The following MBOAT2 variants were observed in gnomAD, a reference collection of about 807,000 sequenced individuals.
MBOAT2 encodes membrane-bound glycerophospholipid O-acyltransferase 2.
MBOAT2 carries 28 observed loss-of-function variants against 63.4 expected under a neutral mutation model. The observed-to-expected ratio is 0.44, with a 90% CI of 0.33 to 0.61. The LOEUF (loss-of-function observed/expected upper bound fraction) is 0.61. Ranked by LOEUF, MBOAT2 falls within the 20% of genes least tolerant of loss-of-function variation. The pLI, the probability that MBOAT2 is intolerant of heterozygous loss-of-function variation, is 0.03. For missense variants in MBOAT2, 470 were observed against 605.8 expected, an observed-to-expected ratio of 0.78 and a Z score of 2.35; for synonymous variants, 211 against 215.6, an observed-to-expected ratio of 0.98 and a Z score of 0.19.
At chr2:8,909,880 C>A (rs1665587338) in intron 3 of MBOAT2, among the ~76,000 whole-genome samples, 1 of 152,158 alleles carries the variant, frequency 6.6e-6, no homozygotes, top group African/African-American at 2.4e-5. Context: ...ATGCCCAAAA[C>A]AGTATCTCCC....
intron 2 of MBOAT2, among the ~76,000 whole-genome samples, chr2:8,957,760 A>C (rs979158531): frequency 5.3e-5 from 8 of 152,242 alleles, no homozygotes; most frequent in African/African-American, 9.6e-5. Context: ...CTCACGTAAG[A>C]AAGCAAGCTC....
chr2:8,954,071 T>C lies in MBOAT2; in HGVS notation c.221+4426A>G, dbSNP rs552575671. ...TATTTTCATGCAGGTAAGATTTTTT[T>C]CTTTTTCTTTCCTTCCCTATAATGT... On this transcript the variant is annotated intron_variant, in intron 2 of 12. Coordinates refer to ENST00000305997, the MANE Select transcript of MBOAT2 (RefSeq NM_138799.4). 3.9e-5 allele frequency among the ~76,000 whole-genome samples: 6 copies of C among 152,336 alleles called. No homozygotes were observed. The South Asian group carries it at 1.2e-3, about 32-fold the overall frequency.
chr2:8,894,560 A>C (rs1336964413), intron 4 of MBOAT2, among the ~76,000 whole-genome samples: 3 of 152,234 alleles, frequency 2.0e-5, no homozygotes, highest in African/African-American at 7.2e-5. Context: ...AGAACACAGA[A>C]ACACATCTAC....
intron 3 of MBOAT2, among the ~76,000 whole-genome samples, chr2:8,935,540 G>GA (rs901388504): frequency 4.6e-5 from 7 of 152,032 alleles, no homozygotes; most frequent in Admixed American, 2.6e-4. Context: ...AGGAGAGAGG[G>GA]AAAAAAACAG....
chr2:8,860,539 C>G (rs574342827), intron 12 of MBOAT2, 74 bp downstream of exon 12: 4 of 1,449,588 alleles, frequency 2.8e-6, no homozygotes, highest in Middle Eastern at 1.8e-4. Context: ...TTTTTCTATT[C>G]TATCCAATAG....
chr2:8,898,997 T>C (rs2148571072), intron 4 of MBOAT2, among the ~76,000 whole-genome samples: 1 of 152,388 alleles, frequency 6.6e-6, no homozygotes, highest in South Asian at 2.1e-4. Context: ...CATTTCCTTA[T>C]TAAGGCTTGA....
At chr2:8,899,660 G>T (rs1664765326) in intron 4 of MBOAT2, among the ~76,000 whole-genome samples, 1 of 152,162 alleles carries the variant, frequency 6.6e-6, no homozygotes, top group Non-Finnish European at 1.5e-5. Flanking sequence ...TGGATGAGGG[G>T]GTAGCTTGTT....
chr2:8,952,777 A>G (rs1253947334), intron 2 of MBOAT2, among the ~76,000 whole-genome samples: 1 of 147,220 alleles, frequency 6.8e-6, no homozygotes, highest in Non-Finnish European at 1.5e-5. Flanking sequence ...TTTATCATAT[A>G]TAAGAATAGC....
intron 7 of MBOAT2, among the ~76,000 whole-genome samples, chr2:8,876,514 G>C (rs1662712905): frequency 1.3e-5 from 2 of 152,174 alleles, no homozygotes; most frequent in East Asian, 3.8e-4. Flanking sequence ...TTCATTGTGG[G>C]AATCAGGAGC....
intron 4 of MBOAT2, among the ~76,000 whole-genome samples, chr2:8,895,812 G>A (rs773240546): frequency 4.6e-5 from 7 of 152,136 alleles, no homozygotes; most frequent in South Asian, 2.1e-4. Flanking sequence ...TGATGGCCTC[G>A]ATTCTAGAGG....
intron 1 of MBOAT2, among the ~76,000 whole-genome samples, chr2:8,962,895 A>G (rs1187391931): frequency 6.6e-6 from 1 of 152,190 alleles, no homozygotes. Context: ...AAGAGTTAGT[A>G]TTCAAAAGGT....
chr2:8,992,531 A>G (rs1671984020), intron 1 of MBOAT2, among the ~76,000 whole-genome samples: 3 of 152,254 alleles, frequency 2.0e-5, no homozygotes, highest in Admixed American at 2.0e-4. Context: ...AAGAAAATTA[A>G]AAGAACCAGA....
intron 12 of MBOAT2, among the ~76,000 whole-genome samples, chr2:8,859,272 G>A (rs1017636822): frequency 6.6e-6 from 1 of 152,132 alleles, no homozygotes; most frequent in African/African-American, 2.4e-5. Flanking sequence ...AAGAAAATGT[G>A]GAGATAGTTA....
chr2:8,904,279 C>T (rs529101022), intron 4 of MBOAT2, among the ~76,000 whole-genome samples: 1 of 151,348 alleles, frequency 6.6e-6, no homozygotes, highest in African/African-American at 2.4e-5. Context: ...CAGCCCCATT[C>T]GTATCTTTAT....
At chr2:8,962,395 G>A (rs1005347946) in intron 1 of MBOAT2, among the ~76,000 whole-genome samples, 1 of 152,190 alleles carries the variant, frequency 6.6e-6, no homozygotes, top group African/African-American at 2.4e-5. Flanking sequence ...TTCTCCTTCT[G>A]GGTAGACAGA....
chr2:8,973,278 C>T (rs1006945646), intron 1 of MBOAT2, among the ~76,000 whole-genome samples: 1 of 148,416 alleles, frequency 6.7e-6, no homozygotes, highest in African/African-American at 2.5e-5. Flanking sequence ...GATAAAAAAC[C>T]AAACACTGCA....
chr2:8,902,598 G>A (rs531074410), intron 4 of MBOAT2, among the ~76,000 whole-genome samples: 11 of 152,086 alleles, frequency 7.2e-5, no homozygotes, highest in East Asian at 3.9e-4. Flanking sequence ...CATTCCTCCC[G>A]GTGGGTTCGT....
chr2:8,947,809 T>G (rs1240587346), intron 2 of MBOAT2, among the ~76,000 whole-genome samples: 1 of 152,118 alleles, frequency 6.6e-6, no homozygotes, highest in African/African-American at 2.4e-5. Flanking sequence ...CTGACAGAGG[T>G]GGACAAGGAG....
At chr2:8,982,393 C>A (rs1005975313) in intron 1 of MBOAT2, among the ~76,000 whole-genome samples, 2 of 152,164 alleles carry the variant, frequency 1.3e-5, no homozygotes, top group African/African-American at 2.4e-5. Flanking sequence ...ACAGCCAGAA[C>A]CAAAAATGCT....
Sources: allele counts gnomAD v4.1 joint callset (sites outside exome capture counted in the v4.1 genomes callset), GRCh38; gene constraint gnomAD v4.1.1; transcripts MANE v1.5; gene names NCBI Gene and HGNC (gene_info 2026-07-23, HGNC 2026-07-21).